The following CPAP variants were observed in gnomAD, a reference collection of about 807,000 sequenced individuals.
The protein encoded by CPAP is centrosomal P4.1-associated protein.
chr13:24,922,534 C>T, the CPAP span, among the ~76,000 whole-genome samples: 1 of 152,374 alleles, frequency 6.6e-6, no homozygotes, highest in African/African-American at 2.4e-5. Context: ...GAGAGGCCGG[C>T]TTCCCCAGCT....
the CPAP span, among the ~76,000 whole-genome samples, chr13:24,892,359 T>A: frequency 1.3e-5 from 2 of 152,176 alleles, no homozygotes; most frequent in African/African-American, 2.4e-5. Context: ...ATCATTTTAG[T>A]TGTGGTAAAA....
chr13:24,882,978 A>C, the CPAP span: 1 of 590,704 alleles, frequency 1.7e-6, no homozygotes, highest in East Asian at 2.9e-5. Context: ...CTATTGAAAG[A>C]CAGGGTAGTG....
chr13:24,896,364 C>T, the CPAP span, among the ~76,000 whole-genome samples: 1 of 152,246 alleles, frequency 6.6e-6, no homozygotes, highest in Non-Finnish European at 1.5e-5. Flanking sequence ...GAGCTGCCAG[C>T]AGTGAGGATG....
the CPAP span, chr13:24,886,514 C>T: frequency 6.3e-6 from 3 of 476,132 alleles, no homozygotes; most frequent in African/African-American, 5.9e-5. Context: ...TCAGAGGGAT[C>T]AGTCTAGGGA....
At chr13:24,927,693 C>CTGTT in the CPAP span, among the ~76,000 whole-genome samples, 1 of 152,236 alleles carries the variant, frequency 6.6e-6, no homozygotes, top group Admixed American at 6.5e-5. Flanking sequence ...AACAGTCCTA[C>CTGTT]CATGTGTCAG....
the CPAP span, among the ~76,000 whole-genome samples, chr13:24,911,149 GA>G: frequency 6.6e-6 from 1 of 152,070 alleles, no homozygotes; most frequent in African/African-American, 2.4e-5. Context: ...AAATGATATA[GA>G]ACTAGAATAA....
the CPAP span, chr13:24,899,296 G>A: frequency 1.4e-6 from 1 of 725,662 alleles, no homozygotes; most frequent in Non-Finnish European, 2.4e-6. Flanking sequence ...CAGATTATTT[G>A]CTGAATGAAT....
chr13:24,918,933 GAACTA>G, the CPAP span, among the ~76,000 whole-genome samples: 2 of 151,424 alleles, frequency 1.3e-5, no homozygotes, highest in Non-Finnish European at 2.9e-5. Flanking sequence ...ACCTGTGTCA[GAACTA>G]AATAGCCAAC....
the CPAP span, chr13:24,911,953 T>C: frequency 1.7e-5 from 28 of 1,614,140 alleles, no homozygotes; most frequent in Middle Eastern, 3.3e-4. Flanking sequence ...TACCTGGAAG[T>C]GTGCACTGCC....
chr13:24,929,069 A>G, the CPAP span, among the ~76,000 whole-genome samples: 9 of 152,124 alleles, frequency 5.9e-5, no homozygotes, highest in African/African-American at 2.2e-4. Flanking sequence ...GTAGGTTTTT[A>G]TTACACATTT....
the CPAP span, among the ~76,000 whole-genome samples, chr13:24,924,312 T>A: frequency 3.7e-5 from 2 of 54,008 alleles, no homozygotes; most frequent in East Asian, 9.8e-4. Context: ...TGTGTATCTT[T>A]AAGGATAGTC....
the CPAP span, chr13:24,907,956 A>G: frequency 8.4e-7 from 1 of 1,185,648 alleles, no homozygotes; most frequent in Non-Finnish European, 1.3e-6. Context: ...GAAAGTGTTC[A>G]ATAATAAAGG....
the CPAP span, among the ~76,000 whole-genome samples, chr13:24,891,831 C>T: frequency 1.3e-4 from 20 of 152,136 alleles, no homozygotes; most frequent in African/African-American, 1.7e-4. Flanking sequence ...CAGCCCACCC[C>T]GAGGGCTGGC....
the CPAP span, chr13:24,882,625 C>T: frequency 6.5e-6 from 1 of 153,976 alleles, no homozygotes; most frequent in African/African-American, 2.4e-5. Context: ...TTTCTCTTCA[C>T]CATGATTACT....
the CPAP span, chr13:24,904,072 CATAA>C: frequency 6.2e-7 from 1 of 1,613,352 alleles, no homozygotes; most frequent in Non-Finnish European, 8.5e-7. Flanking sequence ...TGAAATAGGC[CATAA>C]ATACTGAACT....
At chr13:24,886,452 A>G in the CPAP span, 3 of 847,476 alleles carry the variant, frequency 3.5e-6, no homozygotes, top group Non-Finnish European at 5.1e-6. Flanking sequence ...AAACTGCCAC[A>G]CATCAGCAAT....
the CPAP span, chr13:24,933,364 G>A: frequency 2.5e-6 from 1 of 404,846 alleles, no homozygotes; most frequent in Non-Finnish European, 4.5e-6. Flanking sequence ...AATTCCACAT[G>A]TCCAGTGAGG....
the CPAP span, among the ~76,000 whole-genome samples, chr13:24,887,585 T>C: frequency 6.6e-6 from 1 of 152,182 alleles, no homozygotes; most frequent in Non-Finnish European, 1.5e-5. Context: ...GATGGGACCA[T>C]CTAATTGCAG....
chr13:24,910,156 C>G, the CPAP span: 2 of 1,395,034 alleles, frequency 1.4e-6, no homozygotes, highest in Non-Finnish European at 1.0e-6. Context: ...CCAGTAGTGA[C>G]CCCCACCCCA....
Sources: allele counts gnomAD v4.1 joint callset (sites outside exome capture counted in the v4.1 genomes callset), GRCh38; gene constraint gnomAD v4.1.1; transcripts MANE v1.5; gene names NCBI Gene and HGNC (gene_info 2026-07-23, HGNC 2026-07-21).